SUMF1: variants seen among roughly 807,000 people sequenced by gnomAD.
SUMF1 encodes the protein formylglycine-generating enzyme.
Under a neutral mutation model 47.6 loss-of-function variants are expected in SUMF1, and 48 were observed. The ratio of observed to expected loss-of-function variants is 1.01; its 90% CI spans 0.80 to 1.28. The LOEUF is 1.28. SUMF1 is among the 50% of genes most tolerant of loss of function. SUMF1 has a pLI of 0.00. For synonymous variants in SUMF1, 230 were observed against 192.1 expected (o/e 1.20, Z -1.63); for missense variants, 571 against 485.4 (o/e 1.18, Z -1.66).
chr3:4,460,627 AGT>A (rs1171989853), intron 1 of SUMF1, among the ~76,000 whole-genome samples: 17 of 141,508 alleles, frequency 1.2e-4, no homozygotes, highest in South Asian at 8.8e-4. Flanking sequence ...TGTGTGTGAG[AGT>A]GTGTGTGTGT....
intron 3 of SUMF1, among the ~76,000 whole-genome samples, chr3:4,421,728 G>A (rs1471816109): frequency 6.6e-6 from 1 of 152,126 alleles, no homozygotes; most frequent in African/African-American, 2.4e-5. Context: ...AGTGATCCCT[G>A]CCCAACTTGG....
At chr3:4,143,241 T>TAG (rs1694114026) in intron 8 of SUMF1, among the ~76,000 whole-genome samples, 2 of 152,076 alleles carry the variant, frequency 1.3e-5, no homozygotes, top group African/African-American at 2.4e-5. Context: ...CCATTAAATT[T>TAG]AGAGAGATGC....
At chr3:4,364,322 T>C (rs1699874834) in intron 8 of SUMF1, among the ~76,000 whole-genome samples, 2 of 97,292 alleles carry the variant, frequency 2.1e-5, no homozygotes, top group Admixed American at 2.4e-4. Flanking sequence ...CTTGTACCTG[T>C]GGTAGAATTC....
intron 3 of SUMF1, among the ~76,000 whole-genome samples, chr3:4,448,204 AAAGC>A (rs1190989772): frequency 2.0e-5 from 3 of 152,312 alleles, no homozygotes; most frequent in South Asian, 4.1e-4. Flanking sequence ...ATATGATCTG[AAAGC>A]AAGTCTTGTT....
chr3:4,076,612 A>T (rs535180761), intron 8 of SUMF1, among the ~76,000 whole-genome samples: 1 of 152,288 alleles, frequency 6.6e-6, no homozygotes, highest in Admixed American at 6.5e-5. Context: ...AAGCACTAAT[A>T]TCCAGAATCT....
chr3:4,203,248 G>A (rs985280830), intron 8 of SUMF1, among the ~76,000 whole-genome samples: 18 of 151,778 alleles, frequency 1.2e-4, no homozygotes, highest in African/African-American at 4.4e-4. Flanking sequence ...AATAATATTT[G>A]CTTTATATAT....
intron 8 of SUMF1, among the ~76,000 whole-genome samples, chr3:4,169,675 C>A (rs1254496378): frequency 1.3e-5 from 2 of 152,278 alleles, no homozygotes; most frequent in South Asian, 2.1e-4. Flanking sequence ...GTTACCAATA[C>A]CCCGTTTGGG....
chr3:4,316,119 C>G (rs1698632642), intron 8 of SUMF1: 1 of 486,280 alleles, frequency 2.1e-6, no homozygotes, highest in African/African-American at 2.0e-5. Flanking sequence ...GGAATACATT[C>G]TTAAATGTGG....
intron 8 of SUMF1, among the ~76,000 whole-genome samples, chr3:4,194,928 A>G (rs1023766100): frequency 2.0e-5 from 3 of 152,162 alleles, no homozygotes; most frequent in African/African-American, 7.2e-5. Flanking sequence ...AAGGATTTTT[A>G]GTTCTTGACC....
chr3:4,316,464 C>T, intron 8 of SUMF1: 1 of 1,604,490 alleles, frequency 6.2e-7, no homozygotes, highest in Non-Finnish European at 8.5e-7. Context: ...CGAAGCTGAT[C>T]CCCTTACAAC....
At chr3:4,382,210 C>T (rs1700525936) in intron 7 of SUMF1, among the ~76,000 whole-genome samples, 1 of 152,082 alleles carries the variant, frequency 6.6e-6, no homozygotes, top group African/African-American at 2.4e-5. Flanking sequence ...ATCTTATTAA[C>T]AAAAATAATC....
chr3:4,225,294 C>G (rs1696149600), intron 8 of SUMF1, among the ~76,000 whole-genome samples: 1 of 152,130 alleles, frequency 6.6e-6, no homozygotes, highest in East Asian at 1.9e-4. Context: ...CCACAGGCCT[C>G]AGGAGCTCAG....
Position 4,350,398 on chromosome 3 carries a change from T to C in SUMF1, c.1014+25932A>G, listed in dbSNP as rs114511052. 5.9e-5 allele frequency among the ~76,000 whole-genome samples: 9 copies of C among 151,310 alleles called. No homozygotes were observed. In the East Asian group the frequency reaches 7.8e-4, roughly 13 times the overall value. ...TTGTGTGTGTATAATTGTGTGTATA[T>C]ATATTCAATATATATCCATATATAC... On this transcript the variant is annotated intron_variant and NMD_transcript_variant, in intron 8 of 12. Transcript: ENST00000448413.
At chr3:4,069,790 T>C (rs1695474884) in intron 8 of SUMF1, among the ~76,000 whole-genome samples, 1 of 152,166 alleles carries the variant, frequency 6.6e-6, no homozygotes, top group Non-Finnish European at 1.5e-5. Context: ...CATTATGAGA[T>C]AAGGAAAAAT....
intron 8 of SUMF1, among the ~76,000 whole-genome samples, chr3:4,123,073 A>G (rs1313857229): frequency 1.3e-5 from 2 of 152,216 alleles, no homozygotes; most frequent in African/African-American, 4.8e-5. Context: ...AACATTGAGT[A>G]AAGTACACAA....
chr3:4,361,527 T>C lies in SUMF1; in HGVS notation c.*617A>G, dbSNP rs1045078443. 3.8e-5 allele frequency: 6 copies of C among 156,046 alleles called. No homozygotes were observed. Among genetic ancestry groups the C allele is most frequent in the Admixed American group, 3.7e-4 (6 of 16,062 alleles). The allele number at this position is 156,046 out of a possible 1,614,324, so 9.7% of individuals were successfully genotyped here. ...ATCATAACAACGTAAAAGACACTGA[T>C]TTCCTTGGAAAAACAAAGTGCAGTA... On this transcript the variant is annotated 3_prime_UTR_variant, in exon 9 of 9. Transcript: ENST00000272902.
chr3:4,122,882 G>A (rs1693576221), intron 8 of SUMF1, among the ~76,000 whole-genome samples: 1 of 152,180 alleles, frequency 6.6e-6, no homozygotes, highest in Non-Finnish European at 1.5e-5. Flanking sequence ...AGGGCACTGT[G>A]TGGCTGACGT....
At chr3:4,345,176 T>C (rs1180078042) in intron 8 of SUMF1, among the ~76,000 whole-genome samples, 1 of 151,992 alleles carries the variant, frequency 6.6e-6, no homozygotes, top group Non-Finnish European at 1.5e-5. Context: ...ATTCAAGAAA[T>C]ACAGAGAACA....
At chr3:4,445,796 G>A (rs1217126716) in intron 3 of SUMF1, among the ~76,000 whole-genome samples, 3 of 152,162 alleles carry the variant, frequency 2.0e-5, no homozygotes, top group African/African-American at 7.2e-5. Context: ...ACAAAAACAA[G>A]TGGGTCATAT....
Sources: gnomAD v4.1 joint callset for allele counts (sites outside exome capture counted in the v4.1 genomes callset) on GRCh38, gnomAD v4.1.1 for gene constraint, MANE v1.5 for transcripts, NCBI Gene and HGNC (gene_info 2026-07-23, HGNC 2026-07-21) for gene names.